ARHGAP15: variants seen among roughly 807,000 people sequenced by gnomAD.
ARHGAP15 encodes rho GTPase-activating protein 15.
A neutral mutation model predicts 63.7 loss-of-function variants in ARHGAP15; 51 were observed. That is an observed-to-expected ratio of 0.80 (90% CI 0.64 to 1.01). The LOEUF is 1.01. ARHGAP15 is among the 50% of genes least tolerant of loss of function. ARHGAP15 has a pLI of 0.00. For missense variants in ARHGAP15, 560 were observed against 564.6 expected, an observed-to-expected ratio of 0.99 and a Z score of 0.08; for synonymous variants, 191 against 193.8, an observed-to-expected ratio of 0.99 and a Z score of 0.12.
chr2:143,246,318 C>T (rs1392615480), intron 5 of ARHGAP15, among the ~76,000 whole-genome samples: 1 of 151,860 alleles, frequency 6.6e-6, no homozygotes, highest in Non-Finnish European at 1.5e-5. Flanking sequence ...TATCATTAAA[C>T]TTTATATTCA....
intron 11 of ARHGAP15, among the ~76,000 whole-genome samples, chr2:143,592,201 T>C (rs925593183): frequency 6.6e-6 from 1 of 152,220 alleles, no homozygotes; most frequent in Non-Finnish European, 1.5e-5. Context: ...GAAGTGTCTT[T>C]ATTTTGTTCA....
chr2:143,720,291 G>A (rs1453431979), intron 13 of ARHGAP15, among the ~76,000 whole-genome samples: 1 of 152,140 alleles, frequency 6.6e-6, no homozygotes, highest in Non-Finnish European at 1.5e-5. Context: ...TGAAACTACA[G>A]AGCAGACTTA....
intron 8 of ARHGAP15, among the ~76,000 whole-genome samples, chr2:143,473,554 C>T (rs1252412912): frequency 6.6e-6 from 1 of 152,100 alleles, no homozygotes; most frequent in African/African-American, 2.4e-5. Context: ...TTGTTATTAG[C>T]CATGTCTTAC....
intron 12 of ARHGAP15, among the ~76,000 whole-genome samples, chr2:143,680,617 CCTGA>C (rs1683056374): frequency 6.6e-6 from 1 of 152,122 alleles, no homozygotes; most frequent in Non-Finnish European, 1.5e-5. Context: ...TTGCATTTAC[CCTGA>C]CTCTTAGTCT....
chr2:143,733,628 C>T (rs1436570306), intron 13 of ARHGAP15, among the ~76,000 whole-genome samples: 1 of 152,184 alleles, frequency 6.6e-6, no homozygotes, highest in Non-Finnish European at 1.5e-5. Context: ...TATTTCCCAA[C>T]TCGTGTTGTA....
intron 1 of ARHGAP15, among the ~76,000 whole-genome samples, chr2:143,136,237 C>A (rs563565406): frequency 6.6e-6 from 1 of 152,062 alleles, no homozygotes; most frequent in Admixed American, 6.6e-5. Context: ...TATAAACTTA[C>A]TTTTCATTAT....
At chr2:143,644,834 G>T (rs1018754912) in intron 12 of ARHGAP15, among the ~76,000 whole-genome samples, 1 of 152,016 alleles carries the variant, frequency 6.6e-6, no homozygotes, top group African/African-American at 2.4e-5. Flanking sequence ...TAAATGTCTC[G>T]ATGGTTCTTG....
intron 6 of ARHGAP15, among the ~76,000 whole-genome samples, chr2:143,322,824 G>C (rs1439922361): frequency 6.6e-6 from 1 of 152,206 alleles, no homozygotes; most frequent in Non-Finnish European, 1.5e-5. Flanking sequence ...CCTGATAACT[G>C]GGAGAATGGC....
intron 2 of ARHGAP15, among the ~76,000 whole-genome samples, chr2:143,178,436 A>C (rs1289989884): frequency 6.6e-6 from 1 of 152,188 alleles, no homozygotes; most frequent in African/African-American, 2.4e-5. Context: ...TTAAAATCTA[A>C]GGCTTATCAG....
intron 5 of ARHGAP15, among the ~76,000 whole-genome samples, chr2:143,248,911 T>C (rs1275959642): frequency 6.6e-6 from 1 of 152,204 alleles, no homozygotes; most frequent in Admixed American, 6.5e-5. Context: ...CTGACTTGAC[T>C]GTATGGGAAA....
chr2:143,193,916 A>G (rs1366961122), intron 2 of ARHGAP15, among the ~76,000 whole-genome samples: 1 of 152,236 alleles, frequency 6.6e-6, no homozygotes, highest in Non-Finnish European at 1.5e-5. Context: ...ACACTTGAAG[A>G]AGTAAGAAGT....
At chr2:143,330,112 A>AAAAAAAAAAAAAAC (rs1684457420) in intron 6 of ARHGAP15, among the ~76,000 whole-genome samples, 1 of 87,994 alleles carries the variant, frequency 1.1e-5, no homozygotes, top group Admixed American at 1.4e-4. Context: ...AAAAAAAAAA[A>AAAAAAAAAAAAAAC]AAAAAAAAAA....
intron 13 of ARHGAP15, among the ~76,000 whole-genome samples, chr2:143,756,607 A>G (rs566518591): frequency 3.8e-4 from 58 of 152,224 alleles, no homozygotes; most frequent in Non-Finnish European, 6.9e-4. Context: ...TTAAATGCAA[A>G]TGGCTAAAAC....
chr2:143,330,088 C>A (rs1684443628), intron 6 of ARHGAP15, among the ~76,000 whole-genome samples: 3 of 23,884 alleles, frequency 1.3e-4, no homozygotes, highest in Non-Finnish European at 1.9e-4. Flanking sequence ...GAGCAAGGCT[C>A]TGTCTCAAAA....
intron 6 of ARHGAP15, among the ~76,000 whole-genome samples, chr2:143,382,822 A>G (rs1053599275): frequency 3.3e-5 from 5 of 152,136 alleles, no homozygotes; most frequent in Non-Finnish European, 7.3e-5. Flanking sequence ...TTGGTTTGAG[A>G]GTTCCCGTAG....
intron 10 of ARHGAP15, 107 bp downstream of exon 10, chr2:143,519,471 AACTTG>A (rs1693968873): frequency 3.6e-6 from 3 of 831,424 alleles, no homozygotes; most frequent in South Asian, 3.3e-5. Flanking sequence ...ATGCAATTAA[AACTTG>A]ACTTGTGTTA....
At chr2:143,472,690 T>G (rs1429575207) in intron 8 of ARHGAP15, among the ~76,000 whole-genome samples, 1 of 151,638 alleles carries the variant, frequency 6.6e-6, no homozygotes, top group Non-Finnish European at 1.5e-5. Flanking sequence ...TAAATTATGA[T>G]GATGATGGGG....
chr2:143,274,037 C>T (rs922914172), intron 6 of ARHGAP15, among the ~76,000 whole-genome samples: 6 of 152,046 alleles, frequency 3.9e-5, no homozygotes, highest in Non-Finnish European at 5.9e-5. Flanking sequence ...TGGTGGCCAT[C>T]CATTTTATTG....
chr2:143,740,633 G>A (rs545309562), intron 13 of ARHGAP15, among the ~76,000 whole-genome samples: 5 of 152,304 alleles, frequency 3.3e-5, no homozygotes, highest in African/African-American at 9.6e-5. Context: ...CAGTGTCAAC[G>A]AGATCCGCCA....
Sources: gnomAD v4.1 joint callset for allele counts (sites outside exome capture counted in the v4.1 genomes callset) on GRCh38, gnomAD v4.1.1 for gene constraint, MANE v1.5 for transcripts, NCBI Gene and HGNC (gene_info 2026-07-23, HGNC 2026-07-21) for gene names.